The following AAK1 variants were observed in gnomAD, a reference collection of about 807,000 sequenced individuals.
The protein encoded by AAK1 is AP2-associated protein kinase 1.
A neutral mutation model predicts 116.0 loss-of-function variants in AAK1; 37 were observed. The ratio of observed to expected loss-of-function variants is 0.32; its 90% CI spans 0.25 to 0.42. The LOEUF (loss-of-function observed/expected upper bound fraction) is 0.42, where lower values mean the gene tolerates loss of function less well. Among genes scored for constraint, AAK1 ranks in the 10% least tolerant of loss-of-function variants. The pLI is 1.00. For missense variants in AAK1, 919 were observed against 1,170.6 expected (o/e 0.79, Z 3.14); for synonymous variants, 458 against 439.9 (o/e 1.04, Z -0.51).
At chr2:69,638,273 C>T (rs1675536655) in intron 2 of AAK1, among the ~76,000 whole-genome samples, 1 of 152,200 alleles carries the variant, frequency 6.6e-6, no homozygotes, top group African/African-American at 2.4e-5. Flanking sequence ...ACCTTCTGCT[C>T]TGGTCAAACA....
chr2:69,561,283 A>G (rs1418577457), intron 2 of AAK1, among the ~76,000 whole-genome samples: 4 of 152,242 alleles, frequency 2.6e-5, no homozygotes, highest in South Asian at 2.1e-4. Context: ...TGATTTGCAA[A>G]TGAATTCCAA....
chr2:69,478,917 A>C, intron 20 of AAK1, 34 bp downstream of exon 20: 3 of 1,497,102 alleles, frequency 2.0e-6, no homozygotes, highest in Non-Finnish European at 2.8e-6. Context: ...CCCTCTAAGG[A>C]CACATGTGGG....
At chr2:69,585,703 G>A (rs1013373229) in intron 2 of AAK1, among the ~76,000 whole-genome samples, 5 of 152,244 alleles carry the variant, frequency 3.3e-5, no homozygotes, top group African/African-American at 1.2e-4. Flanking sequence ...AGTATGTTTG[G>A]ACTAGATCAA....
At position 69,460,380 on chromosome 2, in the gene AAK1, T is replaced by A. The variant is rs1674310394; in HGVS notation, c.*15489A>T. 6.5e-6 allele frequency: 1 copy of A among 152,794 alleles called. No homozygotes were observed. Among genetic ancestry groups the A allele is most frequent in the Middle Eastern group, 3.4e-3 (1 of 294 alleles). The allele number at this position is 152,794 out of a possible 1,614,324, so 9.5% of individuals were successfully genotyped here. On this transcript the variant is annotated 3_prime_UTR_variant, in exon 22 of 22. Transcript: ENST00000409085. The stretch of plus-strand genomic sequence containing the variant: ...TATATGTTTTGATTATTTTTCTTTA[T>A]GGAAGCAAATACAGAATTTCCTTGT...
At chr2:69,496,224 C>CT in intron 16 of AAK1, 144 bp from the exon 17 acceptor site, 1 of 585,766 alleles carries the variant, frequency 1.7e-6, no homozygotes, top group South Asian at 2.1e-5. Flanking sequence ...ATAAAAGTGG[C>CT]TGTAGCTCAG....
intron 2 of AAK1, among the ~76,000 whole-genome samples, chr2:69,591,200 G>T (rs1673010554): frequency 6.6e-6 from 1 of 152,162 alleles, no homozygotes; most frequent in South Asian, 2.1e-4. Context: ...AGTGGAGAAA[G>T]AACTCAACTC....
At chr2:69,484,861 T>G (rs757245883) in intron 17 of AAK1, among the ~76,000 whole-genome samples, 2 of 140,178 alleles carry the variant, frequency 1.4e-5, no homozygotes, top group East Asian at 2.1e-4. Context: ...GGTGACAGAG[T>G]GAGTCTCAAA....
At position 69,643,703 on chromosome 2, in the gene AAK1, G is replaced by T; in HGVS notation, c.-363C>A. On this transcript the variant is annotated 5_prime_UTR_variant, in exon 1 of 22. Transcript: ENST00000409085. Reference sequence around the variant, plus strand: ...CCGGGGCCGCGCTCGGCTCCCGCCCGCCCGCCAGCTGATCCCGGGAGCGCC... The same window carrying T: ...CCGGGGCCGCGCTCGGCTCCCGCCCTCCCGCCAGCTGATCCCGGGAGCGCC... 1 of 1,217,210 alleles carries T rather than the reference G, an allele frequency of 8.2e-7. No homozygotes were observed. Among genetic ancestry groups the T allele is most frequent in the African/African-American group, 1.6e-5 (1 of 63,850 alleles). 75.4% of individuals were successfully genotyped at this position (1,217,210 alleles called of 1,614,324 possible).
chr2:69,553,384 C>T (rs1174805910), intron 3 of AAK1, among the ~76,000 whole-genome samples: 1 of 149,126 alleles, frequency 6.7e-6, no homozygotes, highest in Non-Finnish European at 1.5e-5. Flanking sequence ...GAATTCTGTA[C>T]TCAAACTATG....
chr2:69,519,679 C>A (rs1244936383), intron 11 of AAK1, among the ~76,000 whole-genome samples: 1 of 152,186 alleles, frequency 6.6e-6, no homozygotes, highest in African/African-American at 2.4e-5. Context: ...ACCAAATTCA[C>A]CAAAAGCAGC....
chr2:69,557,278 C>T (rs1270949570), intron 2 of AAK1, among the ~76,000 whole-genome samples: 2 of 150,596 alleles, frequency 1.3e-5, no homozygotes, highest in African/African-American at 2.4e-5. Context: ...GGTAGTACTA[C>T]ATTACAAGTA....
chr2:69,490,175 T>C (rs942301152), intron 17 of AAK1, among the ~76,000 whole-genome samples: 5 of 152,206 alleles, frequency 3.3e-5, no homozygotes, highest in Admixed American at 6.5e-5. Flanking sequence ...GCAGACTTGT[T>C]ATAAAGATCG....
chr2:69,480,817 C>A (rs1447460854), intron 19 of AAK1, 43 bp downstream of exon 19: 5 of 1,519,600 alleles, frequency 3.3e-6, no homozygotes, highest in Non-Finnish European at 4.5e-6. Flanking sequence ...CAGAGGTTCA[C>A]CACACCGACC....
At chr2:69,496,582 A>G (rs1391956619) in intron 16 of AAK1, among the ~76,000 whole-genome samples, 1 of 152,144 alleles carries the variant, frequency 6.6e-6, no homozygotes, top group South Asian at 2.1e-4. Flanking sequence ...TCCTTGCAAC[A>G]TATTATGAGA....
In AAK1 at chr2:69,583,018, C is replaced by A. The variant is rs1187717308; in HGVS notation, c.164-26040G>T. Among the ~76,000 whole-genome samples the A allele has an allele frequency of 3.9e-5, 6 of 152,170 alleles. No individual in the cohort carries two copies. In the East Asian group the frequency reaches 9.6e-4, roughly 24 times the overall value. The stretch of plus-strand genomic sequence containing the variant: ...TGGCAGCAATTCAAATAAAACTCCA[C>A]GTGAGAGATACCAAAAGGCAACAGA... On this transcript the variant is annotated intron_variant, in intron 2 of 21. Coordinates refer to ENST00000409085, the MANE Select transcript of AAK1 (RefSeq NM_014911.5).
intron 10 of AAK1, 148 bp from the exon 11 acceptor site, chr2:69,521,136 C>T: frequency 2.3e-6 from 2 of 875,658 alleles, no homozygotes; most frequent in Non-Finnish European, 3.5e-6. Context: ...CCACAGGATG[C>T]CATTGTTACT....
In AAK1 at chr2:69,475,038, G is replaced by A. The variant is rs1558890688; in HGVS notation, c.*831C>T. 6 of 962,626 alleles carry A rather than the reference G, an allele frequency of 6.2e-6. No individual in the cohort carries two copies. Among genetic ancestry groups the A allele is most frequent in the Non-Finnish European group, 7.3e-6 (6 of 827,330 alleles). The allele number at this position is 962,626 out of a possible 1,614,324, so 59.6% of individuals were successfully genotyped here. ...ATCATATTACCACCGTCTTGTTTTG[G>A]TCTAATTCTGAGATCCCACTTGGAA... On this transcript the variant is annotated 3_prime_UTR_variant, in exon 22 of 22. Transcript: ENST00000409085.
Position 69,497,017 on chromosome 2 carries a change from G to A in AAK1, c.2270-937C>T, listed in dbSNP as rs373921898. 5.9e-5 allele frequency among the ~76,000 whole-genome samples: 9 copies of A among 152,112 alleles called. No individual in the cohort carries two copies. The East Asian group carries it at 7.7e-4, about 13-fold the overall frequency. ...ACCCTATGGAATAACAGAGCTTGAC[G>A]TGGTCTCAGAATTTTCTGGCACAAT... is the stretch of plus-strand genomic sequence containing the variant. On this transcript the variant is annotated intron_variant, in intron 16 of 21. Coordinates refer to ENST00000409085, the MANE Select transcript of AAK1 (RefSeq NM_014911.5).
At chr2:69,539,485 T>A (rs1670613863) in intron 5 of AAK1, among the ~76,000 whole-genome samples, 1 of 152,052 alleles carries the variant, frequency 6.6e-6, no homozygotes, top group African/African-American at 2.4e-5. Flanking sequence ...ATTTCTCCCC[T>A]ATTTCTATGC....
Sources: allele counts gnomAD v4.1 joint callset (sites outside exome capture counted in the v4.1 genomes callset), GRCh38; gene constraint gnomAD v4.1.1; transcripts MANE v1.5; gene names NCBI Gene and HGNC (gene_info 2026-07-23, HGNC 2026-07-21).